The following PAPPA2 variants were observed in gnomAD, a reference collection of about 807,000 sequenced individuals.
The protein encoded by PAPPA2 is pappalysin 2.
A neutral mutation model predicts 176.4 loss-of-function variants in PAPPA2; 86 were observed. The observed-to-expected ratio is 0.49, with a 90% confidence interval of 0.41 to 0.58. The LOEUF (loss-of-function observed/expected upper bound fraction) is 0.58, where lower values mean the gene tolerates loss of function less well. Ranked by LOEUF, PAPPA2 falls within the 20% of genes least tolerant of loss-of-function variation. PAPPA2 has a pLI of 0.00. For synonymous variants in PAPPA2, 809 were observed against 852.2 expected, an observed-to-expected ratio of 0.95 and a Z score of 0.88; for missense variants, 2,073 against 2,256.9, an observed-to-expected ratio of 0.92 and a Z score of 1.65.
chr1:176,802,623 AG>A (rs576131288), intron 21 of PAPPA2, among the ~76,000 whole-genome samples: 168 of 152,290 alleles, frequency 1.1e-3, no homozygotes, highest in Middle Eastern at 6.8e-3. Flanking sequence ...AGTATCTAAA[AG>A]GGTTTTCTGC....
Position 176,793,565 on chromosome 1 carries a change from G to T in PAPPA2, c.5026G>T (p.Val1676Leu). 1 of 1,608,166 alleles carries T rather than the reference G, an allele frequency of 6.2e-7. No individual in the cohort carries two copies. The highest frequency in any genetic ancestry group is 1.1e-5 in the South Asian group (1 of 90,800). ...KCEQGYGIGA[V>L]CSPLCVIPPS... Reference sequence around the variant, plus strand: ...GTAAACTTCTGTTCTTTCAGGTGCAGTGTGTTCCCCATTGTGTGTAATCCC... The same window carrying T: ...GTAAACTTCTGTTCTTTCAGGTGCATTGTGTTCCCCATTGTGTGTAATCCC... Residue 1676 changes from valine to leucine, a missense_variant, in exon 20 of 23, where the codon GTG (valine) becomes TTG (leucine). Around this residue, in one of 4 missense-constraint regions of PAPPA2, gnomAD observed 846 missense variants for 857.9 expected, o/e 0.99. Transcript: ENST00000367662.
chr1:176,514,640 A>G (rs1648803589), intron 1 of PAPPA2, among the ~76,000 whole-genome samples: 1 of 152,242 alleles, frequency 6.6e-6, no homozygotes, highest in South Asian at 2.1e-4. Flanking sequence ...CATCACTGAC[A>G]ATAACATTTT....
intron 21 of PAPPA2, among the ~76,000 whole-genome samples, chr1:176,820,339 CT>C (rs2102973020): frequency 6.6e-6 from 1 of 152,246 alleles, no homozygotes; most frequent in East Asian, 1.9e-4. Flanking sequence ...TCAGGAGGCT[CT>C]TGTGGCTTTT....
chr1:176,564,935 TC>T (rs923856374), intron 2 of PAPPA2, among the ~76,000 whole-genome samples: 1 of 152,088 alleles, frequency 6.6e-6, no homozygotes, highest in Non-Finnish European at 1.5e-5. Context: ...CCCACTTCCC[TC>T]CCCTCCTTTC....
At chr1:176,821,929 A>G (rs1666681230) in intron 21 of PAPPA2, among the ~76,000 whole-genome samples, 1 of 152,228 alleles carries the variant, frequency 6.6e-6, no homozygotes, top group Non-Finnish European at 1.5e-5. Flanking sequence ...AAGACACTCC[A>G]ACAGTCTTAT....
At chr1:176,591,087 A>G (rs1283102884) in intron 2 of PAPPA2, among the ~76,000 whole-genome samples, 2 of 36,264 alleles carry the variant, frequency 5.5e-5, no homozygotes, top group African/African-American at 2.3e-4. Flanking sequence ...ACACACATGC[A>G]CACACACACA....
intron 2 of PAPPA2, among the ~76,000 whole-genome samples, chr1:176,593,895 T>C (rs1653802509): frequency 6.6e-6 from 1 of 152,228 alleles, no homozygotes. Flanking sequence ...TATTGCTTTC[T>C]CTGGAGAACA....
chr1:176,615,278 C>T (rs1275371189), intron 3 of PAPPA2, among the ~76,000 whole-genome samples: 1 of 152,084 alleles, frequency 6.6e-6, no homozygotes, highest in Non-Finnish European at 1.5e-5. Context: ...AAGACATGTG[C>T]TTTTGTACAA....
intron 2 of PAPPA2, among the ~76,000 whole-genome samples, chr1:176,566,065 C>T (rs547300314): frequency 6.6e-6 from 1 of 152,310 alleles, no homozygotes; most frequent in South Asian, 2.1e-4. Context: ...TCTGATGCAG[C>T]AGCACCTTCA....
chr1:176,691,311 T>C (rs1045756993), intron 5 of PAPPA2: 69 of 412,234 alleles, frequency 1.7e-4, no homozygotes, highest in African/African-American at 1.5e-3. Flanking sequence ...ACCCTGGTCA[T>C]GACTTTGAAG....
chr1:176,570,219 C>T (rs1042821291), intron 2 of PAPPA2, among the ~76,000 whole-genome samples: 4 of 152,236 alleles, frequency 2.6e-5, no homozygotes, highest in Admixed American at 2.6e-4. Flanking sequence ...AGAAACTCTG[C>T]TTCCGTTCCA....
At chr1:176,566,886 A>G (rs949404259) in intron 2 of PAPPA2, among the ~76,000 whole-genome samples, 2 of 152,188 alleles carry the variant, frequency 1.3e-5, no homozygotes, top group Admixed American at 1.3e-4. Context: ...GTTTACTAAC[A>G]GAAAGGCAAC....
chr1:176,657,425 G>C (rs1458918627), intron 3 of PAPPA2, among the ~76,000 whole-genome samples: 2 of 151,974 alleles, frequency 1.3e-5, no homozygotes, highest in Non-Finnish European at 2.9e-5. Flanking sequence ...GTTCCTTAAA[G>C]CAGAGAAGGA....
At chr1:176,707,774 T>C (rs1660940320) in intron 10 of PAPPA2, among the ~76,000 whole-genome samples, 1 of 152,196 alleles carries the variant, frequency 6.6e-6, no homozygotes, top group Non-Finnish European at 1.5e-5. Flanking sequence ...AAGTGCGTTT[T>C]CCCTGCTATG....
intron 1 of PAPPA2, among the ~76,000 whole-genome samples, chr1:176,533,431 C>T (rs1649915993): frequency 6.6e-6 from 1 of 152,254 alleles, no homozygotes; most frequent in East Asian, 1.9e-4. Flanking sequence ...TGCTGGACAA[C>T]TGAAAGGTCT....
At chr1:176,815,650 A>G (rs962432128) in intron 21 of PAPPA2, among the ~76,000 whole-genome samples, 1 of 152,076 alleles carries the variant, frequency 6.6e-6, no homozygotes, top group African/African-American at 2.4e-5. Flanking sequence ...TTGTGAGGAC[A>G]TGTGCCCACG....
Position 176,832,502 on chromosome 1 carries a change from G to A in PAPPA2, c.5203-7671G>A, listed in dbSNP as rs1322863193. 3.9e-5 allele frequency among the ~76,000 whole-genome samples: 6 copies of A among 152,240 alleles called. No homozygotes were observed. In the Middle Eastern group the frequency reaches 0.01, roughly 259 times the overall value. ...CAAGTAGATGGGATTACAGGCGTGT[G>A]CCACTGCACCTGGCTAATTTTTGTA... On this transcript the variant is annotated intron_variant, in intron 21 of 22. Transcript: ENST00000367662.
chr1:176,793,572 C>T lies in PAPPA2; in HGVS notation c.5033C>T (p.Ser1678Phe). Residue 1678 changes from serine (S) to phenylalanine (F), a missense_variant, in exon 20 of 23, where the codon TCC (serine) becomes TTC (phenylalanine). Physicochemically the swap from Ser to Phe is radical, Grantham distance 155 (BLOSUM62 -2). Around this residue, in one of 4 missense-constraint regions of PAPPA2, gnomAD observed 846 missense variants for 857.9 expected, o/e 0.99. Transcript: ENST00000367662. ...EQGYGIGAVCSPLCVIPPSDP... is the reference protein window; with the variant it reads ...EQGYGIGAVCFPLCVIPPSDP... ...TCTGTTCTTTCAGGTGCAGTGTGTTCCCCATTGTGTGTAATCCCCCCCAGT... is the reference window on the plus strand; with the variant it reads ...TCTGTTCTTTCAGGTGCAGTGTGTTTCCCATTGTGTGTAATCCCCCCCAGT... 8.7e-6 allele frequency: 14 copies of T among 1,610,696 alleles called. No individual in the cohort carries two copies. The highest frequency in any genetic ancestry group is 1.2e-5 in the Non-Finnish European group (14 of 1,177,304).
intron 21 of PAPPA2, among the ~76,000 whole-genome samples, chr1:176,831,437 G>A (rs1424286045): frequency 2.0e-5 from 3 of 152,194 alleles, no homozygotes; most frequent in Non-Finnish European, 4.4e-5. Context: ...AAGGAGCCAG[G>A]CTTCAACTTC....
Sources: allele counts gnomAD v4.1 joint callset (sites outside exome capture counted in the v4.1 genomes callset), GRCh38; gene constraint gnomAD v4.1.1; regional missense constraint gnomAD v4.1.1; transcripts MANE v1.5; gene names NCBI Gene and HGNC (gene_info 2026-07-23, HGNC 2026-07-21).